SLMAP: variants seen among roughly 807,000 people sequenced by gnomAD.
The protein encoded by SLMAP is sarcolemma associated protein, also known as sarcolemmal membrane-associated protein.
SLMAP carries 44 observed loss-of-function variants against 128.8 expected under a neutral mutation model. The observed-to-expected ratio is 0.34, with a 90% CI of 0.27 to 0.44. SLMAP has a LOEUF of 0.44. Ranked by LOEUF, SLMAP falls within the 20% of genes least tolerant of loss-of-function variation. The probability of loss-of-function intolerance (pLI) is 1.00; values close to 1 mark genes in which losing one functional copy is unlikely to be tolerated. For synonymous variants in SLMAP, 327 were observed against 348.8 expected (o/e 0.94, Z 0.70); for missense variants, 787 against 985.3 (o/e 0.80, Z 2.69).
chr3:57,814,872 C>T lies in SLMAP; in HGVS notation c.199-16511C>T, dbSNP rs553706394. Among the ~76,000 whole-genome samples, 4 of 152,170 alleles carry T rather than the reference C, an allele frequency of 2.6e-5. No individual in the cohort carries two copies. The South Asian group carries it at 8.3e-4, about 32-fold the overall frequency. On this transcript the variant is annotated intron_variant, in intron 2 of 24. Coordinates refer to ENST00000671191, the MANE Select transcript of SLMAP (RefSeq NM_001377540.1). ...TGTGGTGAATGTGTGCCTGTAGTCC[C>T]AGCTACTCGGGAGGCTGTGGTGGGA...
intron 17 of SLMAP, chr3:57,897,185 T>G: frequency 1.9e-6 from 2 of 1,031,930 alleles, no homozygotes; most frequent in Non-Finnish European, 2.6e-6. Flanking sequence ...AATGCAGCTG[T>G]GTTTTTTGTT....
Position 57,810,655 on chromosome 3 carries a change from A to G in SLMAP, c.199-20728A>G, listed in dbSNP as rs539714802. Among the ~76,000 whole-genome samples the G allele has an allele frequency of 3.3e-5, 5 of 152,048 alleles. No homozygotes were observed. The South Asian group carries it at 1.0e-3, about 32-fold the overall frequency. ...GGCATTCATCTTCCGCTACGTCCGC[A>G]CTGTTCTTGCCAAGGTCGTCGGTGG... On this transcript the variant is annotated intron_variant, in intron 2 of 24. Coordinates refer to ENST00000671191, the MANE Select transcript of SLMAP (RefSeq NM_001377540.1).
chr3:57,831,721 T>C (rs1484500807), intron 3 of SLMAP, among the ~76,000 whole-genome samples, 191 bp downstream of exon 3: 4 of 152,204 alleles, frequency 2.6e-5, no homozygotes, highest in African/African-American at 9.6e-5. Context: ...TGAAGTGTTA[T>C]TTAGTAGTTT....
chr3:57,818,689 A>C (rs2092196883), intron 2 of SLMAP, among the ~76,000 whole-genome samples: 1 of 152,228 alleles, frequency 6.6e-6, no homozygotes, highest in Admixed American at 6.5e-5. Context: ...TGATGTATAT[A>C]AGTGATTCTG....
chr3:57,842,966 T>C (rs1480751727), intron 4 of SLMAP, among the ~76,000 whole-genome samples: 2 of 152,168 alleles, frequency 1.3e-5, no homozygotes, highest in African/African-American at 2.4e-5. Context: ...ATTTGAAATA[T>C]GAAGATGATG....
chr3:57,827,127 T>TA (rs2092983043), intron 2 of SLMAP, among the ~76,000 whole-genome samples: 1 of 152,226 alleles, frequency 6.6e-6, no homozygotes, highest in South Asian at 2.1e-4. Context: ...TATATGGACT[T>TA]AGAGTTTGTG....
rs1165584321 is a variant in SLMAP, at chr3:57,757,813, C to T, written c.162C>T (p.Asn54=). 1 of 1,614,164 alleles carries T rather than the reference C, an allele frequency of 6.2e-7. No homozygotes were observed. Among genetic ancestry groups the T allele is most frequent in the African/African-American group, 1.3e-5 (1 of 75,024 alleles). ...ATFDCKVLSR[N]HALVWFDHKT... ...TTGATTGCAAAGTGCTATCAAGGAACCACGCTCTCGTCTGGTTTGATCACA... is the reference window on the plus strand; with the variant it reads ...TTGATTGCAAAGTGCTATCAAGGAATCACGCTCTCGTCTGGTTTGATCACA... The change falls in exon 2 of 25, where the codon AAC becomes AAT. Residue 54 remains asparagine, a synonymous_variant. Transcript: ENST00000671191.
At chr3:57,880,288 G>A (rs774601424) in intron 14 of SLMAP, among the ~76,000 whole-genome samples, 8 of 151,742 alleles carry the variant, frequency 5.3e-5, no homozygotes, top group East Asian at 1.9e-4. Flanking sequence ...TGCAACCTCC[G>A]CCTCCCGGGT....
intron 23 of SLMAP, among the ~76,000 whole-genome samples, chr3:57,925,582 C>T (rs1380016200): frequency 2.6e-5 from 4 of 152,178 alleles, no homozygotes; most frequent in Non-Finnish European, 5.9e-5. Flanking sequence ...CCTGCCTCAG[C>T]CTCCCAAAGT....
At chr3:57,831,306 A>C in intron 2 of SLMAP, 77 bp from the exon 3 acceptor site, 1 of 1,079,690 alleles carries the variant, frequency 9.3e-7, no homozygotes, top group Non-Finnish European at 1.2e-6. Flanking sequence ...CAAAGCTGGA[A>C]GCATTTTTTT....
chr3:57,919,758 G>A (rs377225457), intron 22 of SLMAP, among the ~76,000 whole-genome samples: 3 of 150,366 alleles, frequency 2.0e-5, no homozygotes, highest in East Asian at 2.0e-4. Context: ...TCGCACCATT[G>A]CACTCCAGCC....
Position 57,929,347 on chromosome 3 carries a change from C to T in SLMAP, c.*2058C>T, listed in dbSNP as rs2097048543. ...TTTTATTAACCTTTTATTTAACTTA[C>T]TGCTTTATTTTTTTCTCTTTTAATA... On this transcript the variant is annotated 3_prime_UTR_variant, in exon 25 of 25. Transcript: ENST00000671191. Among the ~76,000 whole-genome samples the T allele has an allele frequency of 6.6e-6, 1 of 152,122 alleles. No homozygotes were observed. The highest frequency in any genetic ancestry group is 6.5e-5 in the Admixed American group (1 of 15,284).
At chr3:57,884,218 C>T (rs2153637836) in intron 14 of SLMAP, among the ~76,000 whole-genome samples, 1 of 152,260 alleles carries the variant, frequency 6.6e-6, no homozygotes, top group South Asian at 2.1e-4. Flanking sequence ...CGTGAGCCAC[C>T]ACACCAGGCT....
At chr3:57,827,870 C>G (rs2093033557) in intron 2 of SLMAP, among the ~76,000 whole-genome samples, 2 of 152,190 alleles carry the variant, frequency 1.3e-5, no homozygotes, top group Admixed American at 1.3e-4. Context: ...GACAAAGGAT[C>G]AAGTAATATA....
rs565025749 is a variant in SLMAP, at chr3:57,928,370, G to A, written c.*1081G>A. The A allele has an allele frequency of 2.0e-5, 3 of 152,124 alleles. No homozygotes were observed. The highest frequency in any genetic ancestry group is 4.4e-5 in the Non-Finnish European group (3 of 68,004). 9.4% of individuals were successfully genotyped at this position (152,124 alleles called of 1,614,324 possible). Reference sequence around the variant, plus strand: ...ACCTAATTTGGTTTATGATGTGTCAGAGCTAATTCATGTTCAGGGTGAGCG... The same window carrying A: ...ACCTAATTTGGTTTATGATGTGTCAAAGCTAATTCATGTTCAGGGTGAGCG... On this transcript the variant is annotated 3_prime_UTR_variant, in exon 25 of 25. Transcript: ENST00000671191.
chr3:57,893,464 A>G (rs930718792), intron 15 of SLMAP, among the ~76,000 whole-genome samples: 1 of 151,868 alleles, frequency 6.6e-6, no homozygotes, highest in Non-Finnish European at 1.5e-5. Context: ...AAAAACAGGC[A>G]ATCTCTGCCA....
intron 4 of SLMAP, among the ~76,000 whole-genome samples, chr3:57,845,510 A>T (rs2094197529): frequency 6.6e-6 from 1 of 152,140 alleles, no homozygotes; most frequent in East Asian, 1.9e-4. Flanking sequence ...AGCAGCTTAC[A>T]TATGATTTAT....
chr3:57,837,391 C>G (rs1577311484), intron 3 of SLMAP, among the ~76,000 whole-genome samples: 1 of 152,098 alleles, frequency 6.6e-6, no homozygotes, highest in Non-Finnish European at 1.5e-5. Context: ...TTTTTTGAGA[C>G]AAGGTCTCAC....
At chr3:57,898,666 G>A (rs578224985) in intron 17 of SLMAP, 38 of 152,236 alleles carry the variant, frequency 2.5e-4, no homozygotes, top group African/African-American at 9.1e-4. Context: ...CTACCACAAT[G>A]CAGGTATTCA....
Sources: gnomAD v4.1 joint callset for allele counts (sites outside exome capture counted in the v4.1 genomes callset) on GRCh38, gnomAD v4.1.1 for gene constraint, MANE v1.5 for transcripts, NCBI Gene and HGNC (gene_info 2026-07-23, HGNC 2026-07-21) for gene names.